The following PAQR5 variants were observed in gnomAD, a reference collection of about 807,000 sequenced individuals.
PAQR5 encodes the protein membrane progestin receptor gamma.
In PAQR5, 20 loss-of-function variants were observed where a neutral mutation model predicts 34.5. The ratio of observed to expected loss-of-function variants is 0.58; its 90% CI spans 0.41 to 0.84. PAQR5 has a LOEUF of 0.84. Among genes scored for constraint, PAQR5 ranks in the 40% least tolerant of loss-of-function variants. The pLI, the probability that PAQR5 is intolerant of heterozygous loss-of-function variation, is 0.00. For missense variants in PAQR5, 378 were observed against 412.7 expected, an observed-to-expected ratio of 0.92 and a Z score of 0.73; for synonymous variants, 131 against 155.6, an observed-to-expected ratio of 0.84 and a Z score of 1.18.
chr15:69,325,055 T>C (rs2054215728), intron 1 of PAQR5, among the ~76,000 whole-genome samples: 1 of 152,074 alleles, frequency 6.6e-6, no homozygotes, highest in Non-Finnish European at 1.5e-5. Context: ...CCCGCCACCA[T>C]GCCCGGCTAA....
At chr15:69,345,145 A>G (rs1157584248) in intron 2 of PAQR5, among the ~76,000 whole-genome samples, 1 of 152,008 alleles carries the variant, frequency 6.6e-6, no homozygotes, top group East Asian at 1.9e-4. Flanking sequence ...GAAAGAAAGA[A>G]AGAAGAAAGG....
chr15:69,300,416 CTG>C (rs1566984856), intron 1 of PAQR5, among the ~76,000 whole-genome samples: 6 of 152,148 alleles, frequency 3.9e-5, no homozygotes, highest in African/African-American at 1.4e-4. Context: ...TGCCTTATCT[CTG>C]CCCTTGGCAA....
At chr15:69,369,378 G>A (rs1429470058) in intron 3 of PAQR5, among the ~76,000 whole-genome samples, 1 of 151,958 alleles carries the variant, frequency 6.6e-6, no homozygotes, top group Non-Finnish European at 1.5e-5. Flanking sequence ...TCTACTAAAA[G>A]TACAAAAATT....
chr15:69,332,779 TAAAAAAAAAAA>T (rs56280711), intron 1 of PAQR5, among the ~76,000 whole-genome samples: 5 of 59,812 alleles, frequency 8.4e-5, no homozygotes, highest in South Asian at 1.9e-3. Flanking sequence ...CTAAATCTTG[TAAAAAAAAAAA>T]AAAAAAAAAA....
chr15:69,330,681 C>G (rs559774936), intron 1 of PAQR5, among the ~76,000 whole-genome samples: 3 of 152,300 alleles, frequency 2.0e-5, no homozygotes, highest in East Asian at 1.9e-4. Flanking sequence ...TACCCACCCC[C>G]CAACCACCAA....
intron 1 of PAQR5, among the ~76,000 whole-genome samples, chr15:69,323,663 A>G (rs2054180737): frequency 6.6e-6 from 1 of 152,252 alleles, no homozygotes; most frequent in Admixed American, 6.5e-5. Flanking sequence ...AAGAAAAAGA[A>G]AAAAGAATAT....
Position 69,360,128 on chromosome 15 carries a change from C to G in PAQR5, c.48C>G (p.Pro16=), listed in dbSNP as rs368230480. ...GGCTGTTTAGCATAGACCAGATACC[C>G]CAGGTATGTGCTCTATTGATTATGA... The part of the protein sequence containing the change: ...LPRLFSIDQI[P]QVFHEQGILF... The change falls in exon 3 of 9, where the codon CCC becomes CCG. Residue 16 remains proline (P), a synonymous_variant. Coordinates refer to ENST00000395407, the MANE Select transcript of PAQR5 (RefSeq NM_017705.4). 1.2e-6 allele frequency: 2 copies of G among 1,610,662 alleles called. No individual in the cohort carries two copies. Among genetic ancestry groups the G allele is most frequent in the East Asian group, 4.5e-5 (2 of 44,846 alleles).
At chr15:69,330,399 G>A (rs779910408) in intron 1 of PAQR5, among the ~76,000 whole-genome samples, 2 of 152,196 alleles carry the variant, frequency 1.3e-5, no homozygotes, top group Non-Finnish European at 2.9e-5. Context: ...CTTGCCTGGG[G>A]ACTAGATTAA....
intron 3 of PAQR5, among the ~76,000 whole-genome samples, chr15:69,367,859 C>T (rs1027667098): frequency 3.3e-5 from 5 of 152,226 alleles, no homozygotes; most frequent in African/African-American, 1.2e-4. Flanking sequence ...AGTTAGTGGG[C>T]CTTTCAGAGT....
Position 69,319,170 on chromosome 15 carries a change from TATATATATATA to T in PAQR5, c.-276-18170_-276-18160del, listed in dbSNP as rs2054029150. On this transcript the variant is annotated intron_variant, in intron 1 of 8. Transcript: ENST00000395407. ...ATATAAATATATACATATATATATATATATATATATATATATATATATATATATATATATAT... is the reference window on the plus strand; with the variant it reads ...ATATAAATATATACATATATATATATTATATATATATATATATATATATAT... 3.8e-4 allele frequency among the ~76,000 whole-genome samples: 52 copies of T among 135,200 alleles called. 1 individual carries two copies. Among genetic ancestry groups the T allele is most frequent in the South Asian group, 8.9e-4 (4 of 4,478 alleles). The allele number at this position is 135,200 out of a possible 152,430, so 88.7% of individuals were successfully genotyped here.
rs934579296 is a variant in PAQR5 at position 69,337,481 on chromosome 15, G to A, written c.-136G>A. 2.6e-5 allele frequency: 4 copies of A among 152,228 alleles called. No individual in the cohort carries two copies. Among genetic ancestry groups the A allele is most frequent in the African/African-American group, 9.7e-5 (4 of 41,448 alleles). 9.4% of individuals were successfully genotyped at this position (152,228 alleles called of 1,614,324 possible). A position where few individuals can be genotyped will look rare whatever the true frequency, so the allele number is the denominator to read the frequency against. On this transcript the variant is annotated 5_prime_UTR_variant, in exon 2 of 9. Coordinates refer to ENST00000395407, the MANE Select transcript of PAQR5 (RefSeq NM_017705.4). The stretch of plus-strand genomic sequence containing the variant: ...CATACCTTGTCCACACAGAGTTCCT[G>A]TACAAGGTTCCTGACCTGTGGTAAG...
intron 1 of PAQR5, 40 bp from the exon 2 acceptor site, chr15:69,337,301 T>C (rs1024089312): frequency 1.3e-5 from 2 of 152,244 alleles, no homozygotes; most frequent in Admixed American, 6.5e-5. Context: ...GTATAGTTAA[T>C]TACATAAGTG....
At chr15:69,383,340 C>T (rs1421155402) in intron 4 of PAQR5, among the ~76,000 whole-genome samples, 3 of 134,380 alleles carry the variant, frequency 2.2e-5, no homozygotes, top group Non-Finnish European at 4.8e-5. Flanking sequence ...GCCCTCCGTG[C>T]TCATGGTGGA....
intron 1 of PAQR5, among the ~76,000 whole-genome samples, chr15:69,305,498 A>G (rs2053694344): frequency 6.6e-6 from 1 of 151,866 alleles, no homozygotes; most frequent in South Asian, 2.1e-4. Context: ...CTTGGGTTAC[A>G]TAAGTCGGGG....
rs1365482253 is a variant in PAQR5 at position 69,300,654 on chromosome 15, CTTTCTTTCTTTCATTCTTTCT to C, written c.-277+1599_-277+1619del. On this transcript the variant is annotated intron_variant, in intron 1 of 8. Coordinates refer to ENST00000395407, the MANE Select transcript of PAQR5 (RefSeq NM_017705.4). ...CTTTCTTTCTTTCTTTCTTTCTTTT[CTTTCTTTCTTTCATTCTTTCT>C]CTTCCTTCCTCCCTCCCTCTCTCTC... Among the ~76,000 whole-genome samples, 27 of 24,304 alleles carry C rather than the reference CTTTCTTTCTTTCATTCTTTCT, an allele frequency of 1.1e-3. 4 individuals are homozygous for C. Among genetic ancestry groups the C allele is most frequent in the Admixed American group, 6.6e-3 (13 of 1,978 alleles). The allele number at this position is 24,304 out of a possible 152,430, so 15.9% of individuals were successfully genotyped here.
chr15:69,359,974 C>A lies in PAQR5; in HGVS notation c.-107C>A. 1 of 826,392 alleles carries A rather than the reference C, an allele frequency of 1.2e-6. No individual in the cohort carries two copies. Among genetic ancestry groups the A allele is most frequent in the Admixed American group, 1.9e-5 (1 of 51,602 alleles). 51.2% of individuals were successfully genotyped at this position (826,392 alleles called of 1,614,324 possible). ...ATGCTGTCCTCTTTCAGGGAAGCGGCACAGCACCAGCTAGGCAGAGACGCC... is the reference window on the plus strand; with the variant it reads ...ATGCTGTCCTCTTTCAGGGAAGCGGAACAGCACCAGCTAGGCAGAGACGCC... On this transcript the variant is annotated 5_prime_UTR_variant, in exon 3 of 9. Transcript: ENST00000395407.
intron 1 of PAQR5, among the ~76,000 whole-genome samples, chr15:69,299,720 C>T (rs1479130899): frequency 3.3e-5 from 5 of 152,214 alleles, no homozygotes; most frequent in African/African-American, 1.2e-4. Flanking sequence ...GACCCCGGCC[C>T]AGCAGAACAA....
chr15:69,318,875 A>G (rs2054015574), intron 1 of PAQR5, among the ~76,000 whole-genome samples: 1 of 151,960 alleles, frequency 6.6e-6, no homozygotes, highest in Admixed American at 6.6e-5. Context: ...TCACGCCTGT[A>G]ATCCCAGCAC....
At chr15:69,381,261 A>G (rs559664811) in intron 4 of PAQR5, among the ~76,000 whole-genome samples, 1 of 152,258 alleles carries the variant, frequency 6.6e-6, no homozygotes, top group African/African-American at 2.4e-5. Flanking sequence ...CCTGCTTCCT[A>G]TGCGTCCTCC....
Sources: allele counts gnomAD v4.1 joint callset (sites outside exome capture counted in the v4.1 genomes callset), GRCh38; gene constraint gnomAD v4.1.1; transcripts MANE v1.5; gene names NCBI Gene and HGNC (gene_info 2026-07-23, HGNC 2026-07-21).